Variants in NCOA7 observed in about 807,000 individuals in gnomAD.
The protein encoded by NCOA7 is nuclear receptor coactivator 7.
NCOA7 carries 45 observed loss-of-function variants against 104.3 expected under a neutral mutation model. That is an observed-to-expected ratio of 0.43 (90% CI 0.34 to 0.55). The LOEUF is 0.55. Among genes scored for constraint, NCOA7 ranks in the 20% least tolerant of loss-of-function variants. The pLI is 0.02. For missense variants in NCOA7, 1,041 were observed against 1,119.7 expected (o/e 0.93, Z 1.00); for synonymous variants, 398 against 402.3 (o/e 0.99, Z 0.13).
At chr6:125,921,771 C>G (rs969838117) in intron 12 of NCOA7, among the ~76,000 whole-genome samples, 2 of 152,164 alleles carry the variant, frequency 1.3e-5, no homozygotes, top group Non-Finnish European at 2.9e-5. Flanking sequence ...CAAAGGCACT[C>G]TACTTGCTTT....
chr6:125,848,815 A>G (rs1251022400), intron 2 of NCOA7, among the ~76,000 whole-genome samples: 2 of 152,112 alleles, frequency 1.3e-5, no homozygotes, highest in African/African-American at 4.8e-5. Context: ...TAAATAAATA[A>G]TGTGTGGCTA....
chr6:125,877,860 T>C (rs1041849725), intron 4 of NCOA7, among the ~76,000 whole-genome samples: 3 of 152,170 alleles, frequency 2.0e-5, no homozygotes, highest in East Asian at 1.9e-4. Context: ...TTATAGTATA[T>C]GGAAAAGTCA....
intron 2 of NCOA7, among the ~76,000 whole-genome samples, chr6:125,817,570 T>C (rs147378470): frequency 6.6e-6 from 1 of 152,372 alleles, no homozygotes; most frequent in African/African-American, 2.4e-5. Context: ...GTATCTTCTT[T>C]AGTGGCATCT....
intron 1 of NCOA7, among the ~76,000 whole-genome samples, chr6:125,807,332 T>C (rs1776556703): frequency 6.6e-6 from 1 of 152,158 alleles, no homozygotes; most frequent in African/African-American, 2.4e-5. Context: ...TAGTGTGAGA[T>C]CCCTAGCTAA....
chr6:125,903,352 A>G (rs1254193702), intron 10 of NCOA7, among the ~76,000 whole-genome samples: 1 of 152,126 alleles, frequency 6.6e-6, no homozygotes, highest in East Asian at 1.9e-4. Context: ...CTGGATCACC[A>G]TTGCAGCCAT....
chr6:125,855,098 A>AGAT lies in NCOA7; in HGVS notation c.130_132dup (p.Asp44dup). The AGAT allele has an allele frequency of 1.9e-6, 3 of 1,613,478 alleles. No homozygotes were observed. Among genetic ancestry groups the AGAT allele is most frequent in the Non-Finnish European group, 2.5e-6 (3 of 1,179,868 alleles). On this transcript the variant is annotated inframe_insertion, in exon 3 of 16. Transcript: ENST00000392477. The stretch of plus-strand genomic sequence containing the variant: ...CTACAAGGACTCATACTGGGAAGGA[A>AGAT]GATAATAATACAGTAGTTTTAGAGC...
chr6:125,795,711 T>C (rs1775252716), intron 1 of NCOA7, among the ~76,000 whole-genome samples: 2 of 152,196 alleles, frequency 1.3e-5, no homozygotes. Context: ...ATTTCCATCA[T>C]ACACAGGAAG....
At chr6:125,902,314 A>T (rs1785575135) in intron 10 of NCOA7, among the ~76,000 whole-genome samples, 1 of 152,174 alleles carries the variant, frequency 6.6e-6, no homozygotes, top group African/African-American at 2.4e-5. Context: ...GTATTTAATA[A>T]TCCAAACACT....
At chr6:125,833,355 G>C (rs1466276498) in intron 2 of NCOA7, among the ~76,000 whole-genome samples, 1 of 152,144 alleles carries the variant, frequency 6.6e-6, no homozygotes, top group Admixed American at 6.5e-5. Flanking sequence ...GGGAGGCTGA[G>C]GTAGGTGCAT....
At position 125,929,385 on chromosome 6, in the gene NCOA7, T is replaced by G. The variant is rs1305543144; in HGVS notation, c.*614T>G. The G allele has an allele frequency of 6.6e-6, 1 of 152,082 alleles. No individual in the cohort carries two copies. The highest frequency in any genetic ancestry group is 1.5e-5 in the Non-Finnish European group (1 of 68,016). The allele number at this position is 152,082 out of a possible 1,614,324, so 9.4% of individuals were successfully genotyped here. On this transcript the variant is annotated 3_prime_UTR_variant, in exon 16 of 16. Coordinates refer to ENST00000392477, the MANE Select transcript of NCOA7 (RefSeq NM_181782.5). ...GCTATGTTTTGGGAACAAATCTGTT[T>G]GATTTATATAGTTTTATATTGAATT...
At chr6:125,843,262 A>AG (rs1462429412) in intron 2 of NCOA7, among the ~76,000 whole-genome samples, 2 of 152,160 alleles carry the variant, frequency 1.3e-5, no homozygotes, top group African/African-American at 2.4e-5. Context: ...AAATGGAGGA[A>AG]GGGGCTACCA....
chr6:125,900,081 G>C (rs527758586), intron 10 of NCOA7: 1 of 530,532 alleles, frequency 1.9e-6, no homozygotes, highest in African/African-American at 1.9e-5. Context: ...CTGTGGAATG[G>C]GGGTAAAGGA....
Position 125,889,288 on chromosome 6 carries a change from G to A in NCOA7, c.1234G>A (p.Glu412Lys). 1.9e-6 allele frequency: 3 copies of A among 1,614,108 alleles called. No homozygotes were observed. The highest frequency in any genetic ancestry group is 2.5e-6 in the Non-Finnish European group (3 of 1,179,996). Reference protein sequence around the residue: ...ESTAKENFLGEDDDFVDLEEL... With the variant: ...ESTAKENFLGKDDDFVDLEEL... ...TACAGCCAAAGAAAACTTTCTAGGGGAAGATGATGATTTTGTTGACTTGGA... is the reference window on the plus strand; with the variant it reads ...TACAGCCAAAGAAAACTTTCTAGGGAAAGATGATGATTTTGTTGACTTGGA... Residue 412 changes from glutamate (E) to lysine (K), a missense_variant, in exon 9 of 16, where the codon GAA becomes AAA. By Grantham distance (56) the Glu-to-Lys change is moderately conservative. This residue lies in a region of NCOA7 where 914 missense variants were observed against 942.7 expected (regional missense o/e 0.97). Transcript: ENST00000392477.
Position 125,915,436 on chromosome 6 carries a change from A to G in NCOA7, c.2200A>G (p.Met734Val), listed in dbSNP as rs147120340. The change falls in exon 11 of 16, where the codon ATG becomes GTG. Residue 734 changes from methionine (M) to valine (V), a missense_variant. This residue lies in a region of NCOA7 where 914 missense variants were observed against 942.7 expected (regional missense o/e 0.97). Transcript: ENST00000392477. ...GGTGGTGGAGAAGGAAGAACTGAACATGATTGACAACTTCTTCAGTGAGCC... is the reference window on the plus strand; with the variant it reads ...GGTGGTGGAGAAGGAAGAACTGAACGTGATTGACAACTTCTTCAGTGAGCC... ...FVVVEKEELN[M>V]IDNFFSEPTT... 4 of 1,613,840 alleles carry G rather than the reference A, an allele frequency of 2.5e-6. No individual in the cohort carries two copies. In the African/African-American group the frequency reaches 4.0e-5, roughly 16 times the overall value.
At chr6:125,838,861 A>G (rs1779859749) in intron 2 of NCOA7, among the ~76,000 whole-genome samples, 1 of 152,076 alleles carries the variant, frequency 6.6e-6, no homozygotes, top group Non-Finnish European at 1.5e-5. Context: ...AGTTTATTAT[A>G]AAGGATATAA....
At chr6:125,918,192 G>A (rs1390598202) in intron 11 of NCOA7, among the ~76,000 whole-genome samples, 1 of 152,090 alleles carries the variant, frequency 6.6e-6, no homozygotes, top group African/African-American at 2.4e-5. Context: ...ACATGGAATG[G>A]CACCCATTTA....
Position 125,864,444 on chromosome 6 carries a change from TA to T in NCOA7, c.271+9205del, listed in dbSNP as rs1164282428. Among the ~76,000 whole-genome samples, 8 of 137,322 alleles carry T rather than the reference TA, an allele frequency of 5.8e-5. 3 individuals are homozygous for T. The highest frequency in any genetic ancestry group is 4.3e-4 in the East Asian group (2 of 4,686). The allele number at this position is 137,322 out of a possible 152,430, so 90.1% of individuals were successfully genotyped here. On this transcript the variant is annotated intron_variant, in intron 3 of 15. Coordinates refer to ENST00000392477, the MANE Select transcript of NCOA7 (RefSeq NM_181782.5). ...GATTGGAGGGAAAATGGATGACCTT[TA>T]TTTTTTTTTTAAATTTATTTGTGTT...
intron 13 of NCOA7, among the ~76,000 whole-genome samples, chr6:125,925,350 G>C (rs750444361): frequency 2.0e-5 from 3 of 152,222 alleles, no homozygotes; most frequent in Non-Finnish European, 4.4e-5. Flanking sequence ...CTTTACCAGA[G>C]AGATCCAAGA....
chr6:125,845,125 G>T (rs930167683), intron 2 of NCOA7, among the ~76,000 whole-genome samples: 6 of 152,174 alleles, frequency 3.9e-5, no homozygotes, highest in African/African-American at 1.4e-4. Context: ...ATTGTCAGAG[G>T]TGGCAGAAGT....
Sources: allele counts gnomAD v4.1 joint callset (sites outside exome capture counted in the v4.1 genomes callset), GRCh38; gene constraint gnomAD v4.1.1; regional missense constraint gnomAD v4.1.1; transcripts MANE v1.5; gene names NCBI Gene and HGNC (gene_info 2026-07-23, HGNC 2026-07-21).